Variants in AMMECR1L observed in about 807,000 individuals in gnomAD.
AMMECR1L encodes the protein AMMECR1 like, also known as AMMECR1-like protein.
Under a neutral mutation model 36.8 loss-of-function variants are expected in AMMECR1L, and 4 were observed. That is an observed-to-expected ratio of 0.11 (90% CI 0.05 to 0.25). The LOEUF (loss-of-function observed/expected upper bound fraction) is 0.25. Among genes scored for constraint, AMMECR1L ranks in the 10% least tolerant of loss-of-function variants. The pLI is 1.00. For missense variants in AMMECR1L, 232 were observed against 392.1 expected, an observed-to-expected ratio of 0.59 and a Z score of 3.45; for synonymous variants, 147 against 148.0, an observed-to-expected ratio of 0.99 and a Z score of 0.05.
rs1690546463 is a variant in AMMECR1L at position 127,863,371 on chromosome 2, A to G, written c.*1723T>C. ...GCACCGTCACCCACGTTTCCCTCGC[A>G]CGTCCCAGGTCCTCTCGAGCAGCAC... On this transcript the variant is annotated 3_prime_UTR_variant, in exon 8 of 8. Coordinates refer to ENST00000272647, the MANE Select transcript of AMMECR1L (RefSeq NM_001199140.2). 1 of 152,486 alleles carries G rather than the reference A, an allele frequency of 6.6e-6. No homozygotes were observed. Among genetic ancestry groups the G allele is most frequent in the Admixed American group, 6.5e-5 (1 of 15,272 alleles). The allele number at this position is 152,486 out of a possible 1,614,324, so 9.4% of individuals were successfully genotyped here.
intron 6 of AMMECR1L, among the ~76,000 whole-genome samples, chr2:127,867,608 G>A (rs1247985171): frequency 2.6e-5 from 4 of 152,064 alleles, no homozygotes; most frequent in East Asian, 1.9e-4. Flanking sequence ...TTAAGTGAGC[G>A]TGTGGGATGC....
Position 127,873,971 on chromosome 2 carries a change from A to G in AMMECR1L, c.264T>C (p.Pro88=), listed in dbSNP as rs1691109772. Residue 88 remains proline, a synonymous_variant, in exon 3 of 8, where the codon CCT becomes CCC. Transcript: ENST00000272647. The surrounding 1 kb of genome is among the most constrained non-coding windows in gnomAD (Gnocchi z 5.2). The part of the protein sequence containing the change: ...RMNPASGALS[P]LPRPNGTANT... ...TGGCAGTTCCATTAGGCCGGGGAAG[A>G]GGGCTCAGCGCTCCCGATGCGGGAT... is the stretch of plus-strand genomic sequence containing the variant. 2 of 1,614,116 alleles carry G rather than the reference A, an allele frequency of 1.2e-6. No individual in the cohort carries two copies. Among genetic ancestry groups the G allele is most frequent in the African/African-American group, 2.7e-5 (2 of 74,936 alleles).
At position 127,866,640 on chromosome 2, in the gene AMMECR1L, G is replaced by A. The variant is rs542168241; in HGVS notation, c.821+260C>T. On this transcript the variant is annotated intron_variant, in intron 7 of 7. Coordinates refer to ENST00000272647, the MANE Select transcript of AMMECR1L (RefSeq NM_001199140.2). ...CTCCCCCTCAGCCTCCCAACCACGT[G>A]GGTCTGGCAAAGCCATCCACAGCCT... 1.0e-3 allele frequency among the ~76,000 whole-genome samples: 153 copies of A among 152,310 alleles called. 1 individual carries two copies. Among genetic ancestry groups the A allele is most frequent in the African/African-American group, 3.2e-3 (133 of 41,580 alleles).
At chr2:127,882,612 G>A (rs1691556453) in intron 2 of AMMECR1L, among the ~76,000 whole-genome samples, 2 of 151,948 alleles carry the variant, frequency 1.3e-5, no homozygotes, top group Admixed American at 1.3e-4. Flanking sequence ...TTTTGTTTTG[G>A]AGACAGGGTC....
rs946809100 is a variant in AMMECR1L, at chr2:127,871,561, A to C, written c.408-202T>G. Among the ~76,000 whole-genome samples, 3 of 152,204 alleles carry C rather than the reference A, an allele frequency of 2.0e-5. No homozygotes were observed. Among genetic ancestry groups the C allele is most frequent in the African/African-American group, 4.8e-5 (2 of 41,448 alleles). ...AACGGGAAACCTACAAGGCAGCATAAGGAAAGGCTCCGTGTAGTGGTTCCC... is the reference window on the plus strand; with the variant it reads ...AACGGGAAACCTACAAGGCAGCATACGGAAAGGCTCCGTGTAGTGGTTCCC... On this transcript the variant is annotated intron_variant, in intron 3 of 7. Transcript: ENST00000272647. The surrounding 1 kb of genome is among the most constrained non-coding windows in gnomAD (Gnocchi z 4.3).
chr2:127,867,881 C>CT (rs1272891650), intron 6 of AMMECR1L, among the ~76,000 whole-genome samples: 2 of 151,954 alleles, frequency 1.3e-5, no homozygotes, highest in African/African-American at 4.8e-5. Context: ...CTTGCACATT[C>CT]TTTTTTTTGA....
At chr2:127,870,463 G>A (rs969082501) in intron 5 of AMMECR1L, among the ~76,000 whole-genome samples, 2 of 151,460 alleles carry the variant, frequency 1.3e-5, no homozygotes, top group African/African-American at 2.4e-5. Flanking sequence ...GAACAAGAAC[G>A]AAATTCCATC....
At position 127,885,234 on chromosome 2, in the gene AMMECR1L, A is replaced by T. The variant is rs887372511; in HGVS notation, c.-149+576T>A. 4.0e-5 allele frequency: 39 copies of T among 985,092 alleles called. 1 individual carries two copies. The African/African-American group carries it at 6.1e-4, about 15-fold the overall frequency. The allele number at this position is 985,092 out of a possible 1,614,324, so 61.0% of individuals were successfully genotyped here. A position where few individuals can be genotyped will look rare whatever the true frequency, so the allele number is the denominator to read the frequency against. ...AAGTGCGCGTGTGAAGAGTGTTAAG[A>T]AAACGACAGGACAGAGCGGGGAGGG... On this transcript the variant is annotated intron_variant, in intron 1 of 7. Transcript: ENST00000272647.
Position 127,865,136 on chromosome 2 carries a change from G to T in AMMECR1L, c.891C>A (p.Asn297Lys), listed in dbSNP as rs142938193. The T allele has an allele frequency of 6.2e-7, 1 of 1,613,886 alleles. No individual in the cohort carries two copies. Among genetic ancestry groups the T allele is most frequent in the East Asian group, 2.2e-5 (1 of 44,864 alleles). Residue 297 changes from asparagine to lysine, a missense_variant, in exon 8 of 8, where the codon AAC becomes AAA. Transcript: ENST00000272647. This position sits in a 1 kb window ranked among gnomAD's most constrained non-coding sequence, Gnocchi z 5.4. ...AGAGGGGCGGGGCATGAAGAGTGCCGTTCTGGAAACAGTGCTGTCGGGAAG... is the reference window on the plus strand; with the variant it reads ...AGAGGGGCGGGGCATGAAGAGTGCCTTTCTGGAAACAGTGCTGTCGGGAAG... The part of the protein sequence containing the change: ...YIASRQHCFQ[N>K]GTLHAPPLYN...
rs1329654830 is a variant in AMMECR1L at position 127,871,094 on chromosome 2, T to C, written c.518+155A>G. 2.0e-5 allele frequency among the ~76,000 whole-genome samples: 3 copies of C among 152,226 alleles called. No homozygotes were observed. The highest frequency in any genetic ancestry group is 4.4e-5 in the Non-Finnish European group (3 of 68,044). Reference sequence around the variant, plus strand: ...CTCGATGCTATTAACTGTCTGTACTTGAACTGATAACTGACTCACCAGATT... The same window carrying C: ...CTCGATGCTATTAACTGTCTGTACTCGAACTGATAACTGACTCACCAGATT... On this transcript the variant is annotated intron_variant, in intron 4 of 7. Transcript: ENST00000272647. This position sits in a 1 kb window ranked among gnomAD's most constrained non-coding sequence, Gnocchi z 4.3.
chr2:127,871,458 A>C lies in AMMECR1L; in HGVS notation c.408-99T>G, dbSNP rs1690960882. On this transcript the variant is annotated intron_variant, in intron 3 of 7. Transcript: ENST00000272647. The surrounding 1 kb of genome is among the most constrained non-coding windows in gnomAD (Gnocchi z 4.3). ...GTCCCTATTCATTTCTGTTATTGCC[A>C]AAAATCCCTGTTTTTGGACTTGCCA... 8.1e-7 allele frequency: 1 copy of C among 1,237,024 alleles called. No homozygotes were observed. The highest frequency in any genetic ancestry group is 1.1e-6 in the Non-Finnish European group (1 of 883,426). 76.6% of individuals were successfully genotyped at this position (1,237,024 alleles called of 1,614,324 possible). A position where few individuals can be genotyped will look rare whatever the true frequency, so the allele number is the denominator to read the frequency against.
At chr2:127,882,483 C>T (rs1054677205) in intron 2 of AMMECR1L, among the ~76,000 whole-genome samples, 2 of 152,210 alleles carry the variant, frequency 1.3e-5, no homozygotes, top group African/African-American at 4.8e-5. Flanking sequence ...CACATACATT[C>T]TGGTAACCAT....
chr2:127,865,064 G>T lies in AMMECR1L; in HGVS notation c.*30C>A, dbSNP rs186978997. 3.9e-6 allele frequency: 6 copies of T among 1,545,930 alleles called. No individual in the cohort carries two copies. The African/African-American group carries it at 6.8e-5, about 18-fold the overall frequency. On this transcript the variant is annotated 3_prime_UTR_variant, in exon 8 of 8. Coordinates refer to ENST00000272647, the MANE Select transcript of AMMECR1L (RefSeq NM_001199140.2). The surrounding 1 kb of genome is among the most constrained non-coding windows in gnomAD (Gnocchi z 5.4). ...GATGTCATAGCCATTGGTGGCCACG[G>T]GGGGGTGGGACTGGTCATGCAGCCG... is the stretch of plus-strand genomic sequence containing the variant.
Position 127,871,028 on chromosome 2 carries a change from A to G in AMMECR1L, c.519-100T>C. ...TATTTATGAATCTTGAGCTATGCAG[A>G]GAGTATCTATTGTTCATCAACACTA... is the stretch of plus-strand genomic sequence containing the variant. On this transcript the variant is annotated intron_variant, in intron 4 of 7. Coordinates refer to ENST00000272647, the MANE Select transcript of AMMECR1L (RefSeq NM_001199140.2). This position sits in a 1 kb window ranked among gnomAD's most constrained non-coding sequence, Gnocchi z 4.3. 1.0e-6 allele frequency: 1 copy of G among 994,480 alleles called. No homozygotes were observed. Among genetic ancestry groups the G allele is most frequent in the Non-Finnish European group, 1.5e-6 (1 of 671,990 alleles). The allele number at this position is 994,480 out of a possible 1,614,324, so 61.6% of individuals were successfully genotyped here. A position where few individuals can be genotyped will look rare whatever the true frequency, so the allele number is the denominator to read the frequency against.
chr2:127,872,471 T>C (rs1028734472), intron 3 of AMMECR1L, among the ~76,000 whole-genome samples: 3 of 152,178 alleles, frequency 2.0e-5, no homozygotes, highest in Non-Finnish European at 4.4e-5. Flanking sequence ...CTGTTCCCTC[T>C]TCCTGAAATC....
intron 2 of AMMECR1L, among the ~76,000 whole-genome samples, chr2:127,880,784 A>ACC (rs1691462368): frequency 6.6e-6 from 1 of 151,572 alleles, no homozygotes; most frequent in African/African-American, 2.4e-5. Flanking sequence ...ACACACACAC[A>ACC]CACACACACA....
chr2:127,865,348 G>A lies in AMMECR1L; in HGVS notation c.822-143C>T, dbSNP rs1379209569. The stretch of plus-strand genomic sequence containing the variant: ...AAGAGCAATCTTACTTACAGAAAAT[G>A]AAAGACAGCACAAGAAAACAATGTT... On this transcript the variant is annotated intron_variant, in intron 7 of 7. Transcript: ENST00000272647. This position sits in a 1 kb window ranked among gnomAD's most constrained non-coding sequence, Gnocchi z 5.4. 2 of 533,402 alleles carry A rather than the reference G, an allele frequency of 3.7e-6. No individual in the cohort carries two copies. The highest frequency in any genetic ancestry group is 2.6e-5 in the South Asian group (1 of 38,038). The allele number at this position is 533,402 out of a possible 1,614,324, so 33.0% of individuals were successfully genotyped here.
rs764420793 is a variant in AMMECR1L at position 127,865,082 on chromosome 2, T to C, written c.*12A>G. On this transcript the variant is annotated 3_prime_UTR_variant, in exon 8 of 8. Coordinates refer to ENST00000272647, the MANE Select transcript of AMMECR1L (RefSeq NM_001199140.2). The surrounding 1 kb of genome is among the most constrained non-coding windows in gnomAD (Gnocchi z 5.4). ...GGCCACGGGGGGGTGGGACTGGTCA[T>C]GCAGCCGTGTGTCAGGAGTAATGAT... is the stretch of plus-strand genomic sequence containing the variant. 6.2e-7 allele frequency: 1 copy of C among 1,607,804 alleles called. No homozygotes were observed. Among genetic ancestry groups the C allele is most frequent in the Non-Finnish European group, 8.5e-7 (1 of 1,175,654 alleles).
In AMMECR1L at chr2:127,869,603, C is replaced by A; in HGVS notation, c.634-59G>T. 7.3e-7 allele frequency: 1 copy of A among 1,362,888 alleles called. No individual in the cohort carries two copies. Among genetic ancestry groups the A allele is most frequent in the South Asian group, 1.2e-5 (1 of 85,756 alleles). The allele number at this position is 1,362,888 out of a possible 1,614,324, so 84.4% of individuals were successfully genotyped here. A position where few individuals can be genotyped will look rare whatever the true frequency, so the allele number is the denominator to read the frequency against. On this transcript the variant is annotated intron_variant, in intron 5 of 7. Coordinates refer to ENST00000272647, the MANE Select transcript of AMMECR1L (RefSeq NM_001199140.2). The surrounding 1 kb of genome is among the most constrained non-coding windows in gnomAD (Gnocchi z 4.7). The stretch of plus-strand genomic sequence containing the variant: ...TTACTTACTCTAATGGAACTTCAGT[C>A]CCCACATATAAATCAACATTGTTCC...
Sources: gnomAD v4.1 joint callset for allele counts (sites outside exome capture counted in the v4.1 genomes callset) on GRCh38, gnomAD v4.1.1 for gene constraint, Gnocchi (gnomAD v3.1) non-coding constraint, MANE v1.5 for transcripts, NCBI Gene and HGNC (gene_info 2026-07-23, HGNC 2026-07-21) for gene names.